The following RIT2 variants were observed in gnomAD, a reference collection of about 807,000 sequenced individuals.
The protein encoded by RIT2 is Ras like without CAAX 2, also known as GTP-binding protein Rit2.
In RIT2, 24 loss-of-function variants were observed where a neutral mutation model predicts 23.7. The ratio of observed to expected loss-of-function variants is 1.01; its 90% CI spans 0.73 to 1.43. The LOEUF (loss-of-function observed/expected upper bound fraction) is 1.43, where lower values mean the gene tolerates loss of function less well. Among genes scored for constraint, RIT2 ranks in the 40% most tolerant of loss-of-function variants. The pLI, the probability that RIT2 is intolerant of heterozygous loss-of-function variation, is 0.00. For synonymous variants in RIT2, 107 were observed against 91.1 expected (o/e 1.17, Z -0.99); for missense variants, 236 against 266.9 (o/e 0.88, Z 0.81).
At chr18:42,795,061 C>T (rs1412104252) in intron 4 of RIT2, among the ~76,000 whole-genome samples, 1 of 152,204 alleles carries the variant, frequency 6.6e-6, no homozygotes, top group Non-Finnish European at 1.5e-5. Flanking sequence ...CGCTCCTGGT[C>T]GCACTGAGAG....
At chr18:42,848,276 G>A (rs1168317557) in intron 4 of RIT2, among the ~76,000 whole-genome samples, 1 of 152,132 alleles carries the variant, frequency 6.6e-6, no homozygotes, top group Admixed American at 6.5e-5. Context: ...TCTTTTTAGA[G>A]TCTCCTTCCT....
chr18:43,042,471 G>A (rs1912150661), intron 1 of RIT2, among the ~76,000 whole-genome samples: 1 of 152,106 alleles, frequency 6.6e-6, no homozygotes, highest in Admixed American at 6.6e-5. Flanking sequence ...AGTCTTTGTT[G>A]GTGCTTCTAC....
intron 1 of RIT2, among the ~76,000 whole-genome samples, chr18:43,095,638 T>A (rs947134678): frequency 3.3e-5 from 5 of 151,998 alleles, no homozygotes. Flanking sequence ...TTCAATGTAA[T>A]CATTGTATCT....
At chr18:43,092,506 T>C (rs1231199433) in intron 1 of RIT2, among the ~76,000 whole-genome samples, 1 of 152,020 alleles carries the variant, frequency 6.6e-6, no homozygotes, top group Non-Finnish European at 1.5e-5. Context: ...TCACTGAATA[T>C]GGGGTGTGTT....
intron 1 of RIT2, among the ~76,000 whole-genome samples, chr18:43,069,883 A>G (rs555106309): frequency 5.3e-4 from 81 of 152,210 alleles, no homozygotes; most frequent in African/African-American, 1.9e-3. Context: ...GAACAATAAA[A>G]TAATAACTTT....
intron 1 of RIT2, among the ~76,000 whole-genome samples, chr18:43,075,481 G>A (rs1004053311): frequency 2.6e-5 from 4 of 152,098 alleles, no homozygotes; most frequent in African/African-American, 9.7e-5. Context: ...AACTGTGAGA[G>A]GCTTCGATAC....
chr18:42,781,729 G>C (rs773320683), intron 4 of RIT2, among the ~76,000 whole-genome samples: 1 of 152,164 alleles, frequency 6.6e-6, no homozygotes, highest in Non-Finnish European at 1.5e-5. Flanking sequence ...GGTCTTGCCC[G>C]TTGCTTTTCA....
chr18:42,999,128 C>A (rs1182518615), intron 2 of RIT2, among the ~76,000 whole-genome samples: 1 of 151,968 alleles, frequency 6.6e-6, no homozygotes, highest in African/African-American at 2.4e-5. Context: ...AAAGAGACAA[C>A]TTTAGTATTA....
At chr18:42,756,764 C>T (rs1057396188) in intron 4 of RIT2, among the ~76,000 whole-genome samples, 1 of 151,810 alleles carries the variant, frequency 6.6e-6, no homozygotes, top group Admixed American at 6.6e-5. Context: ...CCTTCTGAAC[C>T]TTCAGGGGAT....
intron 4 of RIT2, among the ~76,000 whole-genome samples, chr18:42,744,829 C>T (rs1393755888): frequency 1.3e-5 from 2 of 152,134 alleles, no homozygotes; most frequent in Non-Finnish European, 2.9e-5. Context: ...GTAAATAAGT[C>T]TCCCTCTAGC....
intron 2 of RIT2, among the ~76,000 whole-genome samples, chr18:43,014,629 T>C (rs528234317): frequency 1.5e-3 from 211 of 140,650 alleles, no homozygotes; most frequent in Middle Eastern, 3.8e-3. Context: ...AATAAATACA[T>C]AAATTTTCTC....
At chr18:43,094,115 T>A (rs562963322) in intron 1 of RIT2, among the ~76,000 whole-genome samples, 1 of 71,128 alleles carries the variant, frequency 1.4e-5, no homozygotes, top group Non-Finnish European at 3.3e-5. Flanking sequence ...TATTAGTGGG[T>A]TTTTTTTGTT....
intron 2 of RIT2, among the ~76,000 whole-genome samples, chr18:42,997,623 A>C (rs1911015795): frequency 6.6e-6 from 1 of 151,994 alleles, no homozygotes; most frequent in Non-Finnish European, 1.5e-5. Flanking sequence ...GATTTCACCT[A>C]CTCATTCAAA....
At chr18:42,798,735 T>C (rs1367814734) in intron 4 of RIT2, among the ~76,000 whole-genome samples, 5 of 152,226 alleles carry the variant, frequency 3.3e-5, no homozygotes, top group Non-Finnish European at 7.3e-5. Flanking sequence ...AATGGCTACA[T>C]TGCATGTTGA....
intron 3 of RIT2, among the ~76,000 whole-genome samples, chr18:42,954,518 C>T (rs1909928076): frequency 6.6e-6 from 1 of 151,978 alleles, no homozygotes; most frequent in African/African-American, 2.4e-5. Flanking sequence ...TTGATCTAGT[C>T]CATGATCCTT....
chr18:43,021,828 G>A (rs1487898933), intron 2 of RIT2, among the ~76,000 whole-genome samples: 1 of 152,030 alleles, frequency 6.6e-6, no homozygotes, highest in Admixed American at 6.6e-5. Flanking sequence ...AAATTACCCA[G>A]TCTCAGGTAT....
chr18:42,814,320 G>A (rs1278524090), intron 4 of RIT2, among the ~76,000 whole-genome samples: 3 of 152,152 alleles, frequency 2.0e-5, no homozygotes, highest in African/African-American at 7.2e-5. Flanking sequence ...AGCAGCGTGG[G>A]ACAAGTTCTC....
chr18:42,842,114 T>C (rs1263465043), intron 4 of RIT2, among the ~76,000 whole-genome samples: 1 of 152,260 alleles, frequency 6.6e-6, no homozygotes, highest in African/African-American at 2.4e-5. Context: ...CTATTAATGA[T>C]ATTTCTCCCC....
chr18:42,755,182 T>A (rs1488902716), intron 4 of RIT2, among the ~76,000 whole-genome samples: 1 of 152,198 alleles, frequency 6.6e-6, no homozygotes, highest in East Asian at 1.9e-4. Context: ...AAATTTTAAC[T>A]TCTTTCAGAT....
Sources: allele counts gnomAD v4.1 joint callset (sites outside exome capture counted in the v4.1 genomes callset), GRCh38; gene constraint gnomAD v4.1.1; transcripts MANE v1.5; gene names NCBI Gene and HGNC (gene_info 2026-07-23, HGNC 2026-07-21).